The following IQGAP3 variants were observed in gnomAD, a reference collection of about 807,000 sequenced individuals.
The protein encoded by IQGAP3 is ras GTPase-activating-like protein IQGAP3.
IQGAP3 carries 165 observed loss-of-function variants against 208.2 expected under a neutral mutation model. That is an observed-to-expected ratio of 0.79 (90% confidence interval 0.70 to 0.90). The LOEUF is 0.90. Ranked by LOEUF, IQGAP3 falls within the 40% of genes least tolerant of loss-of-function variation. The pLI, the probability that IQGAP3 is intolerant of heterozygous loss-of-function variation, is 0.00. For missense variants in IQGAP3, 1,811 were observed against 2,043.1 expected (o/e 0.89, Z 2.19); for synonymous variants, 703 against 803.6 (o/e 0.87, Z 2.12).
rs1242811390 is a variant in IQGAP3 at position 156,551,860 on chromosome 1, C to T, written c.1579G>A (p.Ala527Thr). ...AGAGCCTCATTGATGAGGCTGACTG[C>T]AAGGACCCCTAAGAAAGAGAGATCT... ...QTQEETDRVL[A>T]VSLINEALDK... is the part of the protein sequence containing the mutation. The change falls in exon 15 of 38, where the codon GCA (alanine) becomes ACA (threonine). Residue 527 changes from alanine to threonine, a missense_variant. Physicochemically the swap from Ala to Thr is moderately conservative, Grantham distance 58. Coordinates refer to ENST00000361170, the MANE Select transcript of IQGAP3 (RefSeq NM_178229.5). 6.2e-7 allele frequency: 1 copy of T among 1,606,026 alleles called. No individual in the cohort carries two copies. The highest frequency in any genetic ancestry group is 8.5e-7 in the Non-Finnish European group (1 of 1,175,146).
At position 156,551,995 on chromosome 1, in the gene IQGAP3, G is replaced by T. The variant is rs980218522; in HGVS notation, c.1549C>A (p.Gln517Lys). The T allele has an allele frequency of 4.2e-5, 67 of 1,614,044 alleles. No individual in the cohort carries two copies. Among genetic ancestry groups the T allele is most frequent in the Non-Finnish European group, 5.5e-5 (65 of 1,180,016 alleles). Residue 517 changes from glutamine (Q) to lysine (K), a missense_variant, in exon 14 of 38, where the codon CAG becomes AAG. By Grantham distance (53) the Gln-to-Lys change is moderately conservative. Transcript: ENST00000361170. ...TTACGGTCAGTCTCTTCCTGGGTCT[G>T]TGCATTGACCTGGCTCACGGTGGCC... ...LQATVSQVNA[Q>K]TQEETDRVLA...
intron 26 of IQGAP3, among the ~76,000 whole-genome samples, chr1:156,538,302 C>T (rs772200287): frequency 9.2e-5 from 14 of 152,180 alleles, no homozygotes; most frequent in Non-Finnish European, 1.6e-4. Flanking sequence ...CCTCGTGATC[C>T]GCCTGCCTCG....
Position 156,563,747 on chromosome 1 carries a change from C to T in IQGAP3, c.505+10G>A. On this transcript the variant is annotated intron_variant, in intron 6 of 37. Coordinates refer to ENST00000361170, the MANE Select transcript of IQGAP3 (RefSeq NM_178229.5). The stretch of plus-strand genomic sequence containing the variant: ...CAGGCTGTGGTGGTCAGGGAAGGAG[C>T]TGGGCTTACCTGTGAATTTCACTTT... 6.2e-7 allele frequency: 1 copy of T among 1,613,064 alleles called. No homozygotes were observed. The highest frequency in any genetic ancestry group is 1.3e-5 in the African/African-American group (1 of 75,026).
Position 156,562,611 on chromosome 1 carries a change from G to A in IQGAP3, c.853C>T (p.Gln285Ter). 1 of 1,614,070 alleles carries A rather than the reference G, an allele frequency of 6.2e-7. No individual in the cohort carries two copies. Among genetic ancestry groups the A allele is most frequent in the Middle Eastern group, 1.6e-4 (1 of 6,062 alleles). Residue 285 changes from glutamine to a stop codon, truncating the protein, a stop_gained, in exon 9 of 38, where the codon CAG becomes TAG. Transcript: ENST00000361170. LOFTEE classifies it high-confidence loss of function. ...YDHYLTQAEIQGNINHVNVHG... is the reference protein window; with the variant it reads ...YDHYLTQAEI ...CCGTTGACATGGTTGATATTGCCCTGGATTTCAGCCTGAGTTAGGTAGTGG... is the reference window on the plus strand; with the variant it reads ...CCGTTGACATGGTTGATATTGCCCTAGATTTCAGCCTGAGTTAGGTAGTGG...
intron 12 of IQGAP3, among the ~76,000 whole-genome samples, chr1:156,555,875 C>T (rs1224782910): frequency 6.6e-6 from 1 of 152,180 alleles, no homozygotes; most frequent in Non-Finnish European, 1.5e-5. Context: ...ATAGTCATTC[C>T]TATGTTGAGA....
chr1:156,546,430 G>A (rs1402415141), intron 19 of IQGAP3, among the ~76,000 whole-genome samples: 3 of 152,166 alleles, frequency 2.0e-5, no homozygotes, highest in Non-Finnish European at 4.4e-5. Flanking sequence ...CTCTCCCACT[G>A]TTGGTGTGGT....
intron 23 of IQGAP3, 139 bp downstream of exon 23, chr1:156,540,569 C>G: frequency 1.5e-6 from 1 of 675,308 alleles, no homozygotes; most frequent in Non-Finnish European, 2.6e-6. Flanking sequence ...TGGCAGAGGG[C>G]CACTGGAACA....
chr1:156,551,594 C>T, intron 15 of IQGAP3, 111 bp downstream of exon 15: 1 of 1,179,880 alleles, frequency 8.5e-7, no homozygotes, highest in Non-Finnish European at 1.2e-6. Flanking sequence ...TCACCCCCAC[C>T]CAGAAGCCAT....
chr1:156,566,295 G>A, intron 3 of IQGAP3, 95 bp downstream of exon 3: 1 of 1,374,406 alleles, frequency 7.3e-7, no homozygotes, highest in Non-Finnish European at 1.0e-6. Flanking sequence ...TCCAGATTTG[G>A]ACAATAAGTT....
At chr1:156,530,485 G>T (rs537935834) in intron 33 of IQGAP3, among the ~76,000 whole-genome samples, 168 bp from the exon 34 acceptor site, 9 of 152,292 alleles carry the variant, frequency 5.9e-5, no homozygotes, top group African/African-American at 2.2e-4. Flanking sequence ...CTGGGGCAGG[G>T]CATCGCTTAT....
chr1:156,526,616 A>C lies in IQGAP3; in HGVS notation c.4783-17T>G. On this transcript the variant is annotated splice_polypyrimidine_tract_variant and intron_variant, in intron 37 of 37. Coordinates refer to ENST00000361170, the MANE Select transcript of IQGAP3 (RefSeq NM_178229.5). ...CAGGAGATCCTAGGAGGGAAGAGGC[A>C]GGGAGGGGAGTTTAAGGGCTTCTGA... 1 of 1,574,100 alleles carries C rather than the reference A, an allele frequency of 6.4e-7. No individual in the cohort carries two copies. The highest frequency in any genetic ancestry group is 8.7e-7 in the Non-Finnish European group (1 of 1,143,890).
chr1:156,526,895 C>T (rs934569399), intron 37 of IQGAP3, among the ~76,000 whole-genome samples: 41 of 152,126 alleles, frequency 2.7e-4, no homozygotes, highest in Admixed American at 3.9e-4. Context: ...TGCAGTGGCG[C>T]GATCTCGGAT....
Position 156,556,687 on chromosome 1 carries a change from TG to T in IQGAP3, c.1135del (p.His379ThrfsTer19). On this transcript the variant is annotated frameshift_variant, in exon 12 of 38. Transcript: ENST00000361170. LOFTEE classifies it high-confidence loss of function. ...GGCTTTGTTGATCCGCTGCACAGCGTGGAGCACTGCAAGGCAGGAGAGCAAC... is the reference window on the plus strand; with the variant it reads ...GGCTTTGTTGATCCGCTGCACAGCGTGAGCACTGCAAGGCAGGAGAGCAAC... ...TKGDQEQAML[H>X]AVQRINKAIR... is the part of the protein sequence containing the mutation. 1.3e-6 allele frequency: 2 copies of T among 1,573,942 alleles called. No individual in the cohort carries two copies. Among genetic ancestry groups the T allele is most frequent in the Non-Finnish European group, 1.7e-6 (2 of 1,156,002 alleles).
Position 156,534,677 on chromosome 1 carries a change from G to A in IQGAP3, c.3564C>T (p.Asp1188=), listed in dbSNP as rs752573298. The change falls in exon 29 of 38, where the codon GAC becomes GAT. Residue 1188 remains aspartate, a synonymous_variant. Coordinates refer to ENST00000361170, the MANE Select transcript of IQGAP3 (RefSeq NM_178229.5). ...CTGCCATGGCCACAATGTCGAAGGCGTCAGGAGCCACCACAGCTGGGTTCA... is the reference window on the plus strand; with the variant it reads ...CTGCCATGGCCACAATGTCGAAGGCATCAGGAGCCACCACAGCTGGGTTCA... The part of the protein sequence containing the change: ...RFLNPAVVAP[D]AFDIVAMAAG... 49 of 1,610,658 alleles carry A rather than the reference G, an allele frequency of 3.0e-5. No individual in the cohort carries two copies. The East Asian group carries it at 4.7e-4, about 15-fold the overall frequency.
In IQGAP3 at chr1:156,563,596, G is replaced by A. The variant is rs758132637; in HGVS notation, c.576C>T (p.Ile192=). ...YGLQLPAFSK[I]GGILANELSV... ...AGAGCTCATTGGCCAAGATGCCCCC[G>A]ATCTTGCTGAAGGCAGGCAGCTGGA... The change falls in exon 7 of 38, where the codon ATC becomes ATT. Residue 192 remains isoleucine (I), a synonymous_variant. Transcript: ENST00000361170. The A allele has an allele frequency of 6.2e-6, 10 of 1,613,178 alleles. No homozygotes were observed. In the East Asian group the frequency reaches 6.7e-5, roughly 11 times the overall value.
chr1:156,534,116 C>G lies in IQGAP3; in HGVS notation c.3766G>C (p.Val1256Leu). 1 of 1,613,950 alleles carries G rather than the reference C, an allele frequency of 6.2e-7. No individual in the cohort carries two copies. The highest frequency in any genetic ancestry group is 8.5e-7 in the Non-Finnish European group (1 of 1,180,020). The change falls in exon 30 of 38, where the codon GTG becomes CTG. Residue 1256 changes from valine (V) to leucine (L), a missense_variant. Transcript: ENST00000361170. Reference protein sequence around the residue: ...FRKFIHRACQVPEPEERFAVD... With the variant: ...FRKFIHRACQLPEPEERFAVD... Reference sequence around the variant, plus strand: ...GCAAAACGCTCCTCTGGCTCTGGCACCTGGCAGGCTCTATGGATGAACTTC... The same window carrying G: ...GCAAAACGCTCCTCTGGCTCTGGCAGCTGGCAGGCTCTATGGATGAACTTC...
chr1:156,555,673 T>A (rs1675791771), intron 12 of IQGAP3, among the ~76,000 whole-genome samples: 1 of 152,244 alleles, frequency 6.6e-6, no homozygotes. Flanking sequence ...TCCTATAGCC[T>A]GAGGTAAATA....
At chr1:156,528,396 C>A (rs1476662827) in intron 36 of IQGAP3, 113 bp downstream of exon 36, 1 of 736,068 alleles carries the variant, frequency 1.4e-6, no homozygotes, top group East Asian at 2.5e-5. Flanking sequence ...TCTAGCAGCT[C>A]CTTCAAGATC....
Position 156,540,908 on chromosome 1 carries a change from G to C in IQGAP3, c.2539C>G (p.Pro847Ala). ...QDDYRILVHAPHPPLSVVRRF... is the reference protein window; with the variant it reads ...QDDYRILVHAAHPPLSVVRRF... ...CGTACCACACTGAGAGGAGGGTGGG[G>C]TGCATGCACTGGGAGGAAGGGAGGA... Residue 847 changes from proline to alanine, a missense_variant, in exon 23 of 38, where the codon CCC (proline) becomes GCC (alanine). Pro to Ala is a conservative substitution (Grantham distance 27). Coordinates refer to ENST00000361170, the MANE Select transcript of IQGAP3 (RefSeq NM_178229.5). The C allele has an allele frequency of 1.2e-6, 2 of 1,613,572 alleles. No individual in the cohort carries two copies. Among genetic ancestry groups the C allele is most frequent in the Non-Finnish European group, 1.7e-6 (2 of 1,179,856 alleles).
Sources: gnomAD v4.1 joint callset for allele counts (sites outside exome capture counted in the v4.1 genomes callset) on GRCh38, gnomAD v4.1.1 for gene constraint, MANE v1.5 for transcripts, NCBI Gene and HGNC (gene_info 2026-07-23, HGNC 2026-07-21) for gene names.